Variants in MGAT4A observed in about 807,000 individuals in gnomAD.
MGAT4A encodes the protein N-acetylglucosaminyltransferase IVa.
Under a neutral mutation model 74.1 loss-of-function variants are expected in MGAT4A, and 33 were observed. The observed-to-expected ratio is 0.45, with a 90% confidence interval of 0.34 to 0.60. MGAT4A has a LOEUF of 0.60. Among genes scored for constraint, MGAT4A ranks in the 20% least tolerant of loss-of-function variants. MGAT4A has a pLI of 0.02. For missense variants in MGAT4A, 479 were observed against 628.3 expected (o/e 0.76, Z 2.54); for synonymous variants, 198 against 210.4 (o/e 0.94, Z 0.51).
At chr2:98,653,410 T>A (rs1310931275) in intron 8 of MGAT4A, among the ~76,000 whole-genome samples, 1 of 143,218 alleles carries the variant, frequency 7.0e-6, no homozygotes. Context: ...TTTGAAAAGA[T>A]CAATAAAATT....
In MGAT4A at chr2:98,727,979, GCTGCTACA is replaced by G. The variant is rs556130825; in HGVS notation, c.-235-1420_-235-1413del. On this transcript the variant is annotated intron_variant, in intron 1 of 15. Coordinates refer to ENST00000393487, the MANE Select transcript of MGAT4A (RefSeq NM_012214.3). ...TTTGTCTCCAAAGTCCAAGCTCTTA[GCTGCTACA>G]CTTTCCCTCTCAAATGAGGCCTCCT... Among the ~76,000 whole-genome samples the G allele has an allele frequency of 3.9e-4, 60 of 152,266 alleles. No homozygotes were observed. In the East Asian group the frequency reaches 9.6e-3, roughly 24 times the overall value.
intron 2 of MGAT4A, among the ~76,000 whole-genome samples, chr2:98,719,543 A>C (rs184795521): frequency 9.7e-4 from 148 of 152,358 alleles, no homozygotes; most frequent in Non-Finnish European, 1.6e-3. Context: ...ATGTGCAAAG[A>C]AACAGAAAAA....
rs143793553 is a variant in MGAT4A, at chr2:98,649,208, T to C, written c.775-3666A>G. ...CATAGCAAGGTACCTATCAACAGTATGTTAAGTGACAGCAAAAAAGGTTAT... is the reference window on the plus strand; with the variant it reads ...CATAGCAAGGTACCTATCAACAGTACGTTAAGTGACAGCAAAAAAGGTTAT... On this transcript the variant is annotated intron_variant, in intron 8 of 15. Transcript: ENST00000393487. Among the ~76,000 whole-genome samples the C allele has an allele frequency of 2.1e-3, 317 of 152,192 alleles. 1 individual carries two copies. The highest frequency in any genetic ancestry group is 7.3e-3 in the African/African-American group (301 of 41,468).
At position 98,678,484 on chromosome 2, in the gene MGAT4A, C is replaced by G. The variant is rs1702011614; in HGVS notation, c.95-13G>C. On this transcript the variant is annotated splice_polypyrimidine_tract_variant and intron_variant, in intron 2 of 15. Transcript: ENST00000393487. ...GCAATCAGTTTTTCTAGAAGCAAAACCAAAACAGTTATAGTATATGTCTTA... is the reference window on the plus strand; with the variant it reads ...GCAATCAGTTTTTCTAGAAGCAAAAGCAAAACAGTTATAGTATATGTCTTA... The G allele has an allele frequency of 1.3e-6, 2 of 1,548,772 alleles. No individual in the cohort carries two copies. The highest frequency in any genetic ancestry group is 2.3e-5 in the East Asian group (1 of 43,908).
intron 5 of MGAT4A, among the ~76,000 whole-genome samples, chr2:98,660,026 T>G (rs930023329): frequency 6.6e-6 from 1 of 152,200 alleles, no homozygotes; most frequent in South Asian, 2.1e-4. Context: ...TTATAAAAAG[T>G]TTTTATAACA....
In MGAT4A at chr2:98,623,751, T is replaced by C. The variant is rs535762001; in HGVS notation, c.*1815A>G. 3.5e-5 allele frequency: 34 copies of C among 985,478 alleles called. No homozygotes were observed. The African/African-American group carries it at 5.1e-4, about 15-fold the overall frequency. The allele number at this position is 985,478 out of a possible 1,614,324, so 61.0% of individuals were successfully genotyped here. A position where few individuals can be genotyped will look rare whatever the true frequency, so the allele number is the denominator to read the frequency against. ...GATGGAAATAATTGTACTGTATCAG[T>C]GTTTCCAAACGTTTGCACTTTGTAA... On this transcript the variant is annotated 3_prime_UTR_variant, in exon 16 of 16. Transcript: ENST00000393487.
chr2:98,715,698 C>T (rs1702582531), intron 2 of MGAT4A, among the ~76,000 whole-genome samples: 1 of 152,054 alleles, frequency 6.6e-6, no homozygotes, highest in South Asian at 2.1e-4. Context: ...GGGTATAATA[C>T]CTGGGTGATG....
Position 98,639,944 on chromosome 2 carries a change from C to A in MGAT4A, c.1186G>T (p.Val396Leu). ...TGGTAGACCTTCAAGGAAGTAGATACCTCCGCAGGTGGGTTTACATGGATT... is the reference window on the plus strand; with the variant it reads ...TGGTAGACCTTCAAGGAAGTAGATAACTCCGCAGGTGGGTTTACATGGATT... ...LKIHVNPPAE[V>L]STSLKVYQGH... Residue 396 changes from valine to leucine, a missense_variant, in exon 12 of 16, where the codon GTA becomes TTA. Around this residue, in one of 3 missense-constraint regions of MGAT4A, gnomAD observed 236 missense variants for 308.2 expected, o/e 0.77. Coordinates refer to ENST00000393487, the MANE Select transcript of MGAT4A (RefSeq NM_012214.3). 2 of 1,614,090 alleles carry A rather than the reference C, an allele frequency of 1.2e-6. No individual in the cohort carries two copies. Among genetic ancestry groups the A allele is most frequent in the Non-Finnish European group, 1.7e-6 (2 of 1,179,984 alleles).
rs554315514 is a variant in MGAT4A at position 98,699,505 on chromosome 2, CT to C, written c.95-21035del. On this transcript the variant is annotated intron_variant, in intron 2 of 15. Transcript: ENST00000393487. Reference sequence around the variant, plus strand: ...TGCACAGCAGGAATCATATTTTAGTCTTTTTTTTTTCCCCCTAAATGCCATT... The same window carrying C: ...TGCACAGCAGGAATCATATTTTAGTCTTTTTTTTTCCCCCTAAATGCCATT... Among the ~76,000 whole-genome samples, 607 of 149,752 alleles carry C rather than the reference CT, an allele frequency of 4.1e-3. 4 individuals carry two copies. Among genetic ancestry groups the C allele is most frequent in the African/African-American group, 0.012 (475 of 40,928 alleles).
chr2:98,687,814 G>A (rs1462222848), intron 2 of MGAT4A, among the ~76,000 whole-genome samples: 2 of 152,108 alleles, frequency 1.3e-5, no homozygotes, highest in Admixed American at 6.5e-5. Context: ...TTCCAACACC[G>A]GCTAGTGCTT....
intron 2 of MGAT4A, among the ~76,000 whole-genome samples, chr2:98,716,876 T>G (rs1479037333): frequency 6.6e-6 from 1 of 152,186 alleles, no homozygotes; most frequent in Non-Finnish European, 1.5e-5. Context: ...AAATAGTTGT[T>G]ATACTGTGTT....
intron 2 of MGAT4A, among the ~76,000 whole-genome samples, chr2:98,719,184 A>AAGG (rs1702632000): frequency 1.3e-5 from 2 of 152,202 alleles, no homozygotes; most frequent in African/African-American, 4.8e-5. Flanking sequence ...TCAGAAAAAT[A>AAGG]TCGGACACTG....
intron 5 of MGAT4A, among the ~76,000 whole-genome samples, chr2:98,660,304 T>C (rs937151891): frequency 6.9e-5 from 7 of 101,960 alleles, no homozygotes; most frequent in Admixed American, 5.8e-4. Context: ...TTACCCAAAG[T>C]GATCTACAGA....
chr2:98,635,408 T>C (rs982868146), intron 13 of MGAT4A, 120 bp from the exon 14 acceptor site: 12 of 659,420 alleles, frequency 1.8e-5, no homozygotes, highest in Non-Finnish European at 2.7e-5. Context: ...AAAAGAGAAA[T>C]ATCATCTCAG....
intron 14 of MGAT4A, among the ~76,000 whole-genome samples, chr2:98,627,955 C>T (rs1480307236): frequency 1.3e-5 from 2 of 152,142 alleles, no homozygotes; most frequent in East Asian, 3.9e-4. Flanking sequence ...CTGCAAAGTA[C>T]CTGGCTGATG....
At position 98,656,353 on chromosome 2, in the gene MGAT4A, T is replaced by C. The variant is rs751328688; in HGVS notation, c.697A>G (p.Arg233Gly). Residue 233 changes from arginine to glycine, a missense_variant and splice_region_variant, in exon 7 of 16, where the codon AGA becomes GGA. Physicochemically the swap from Arg to Gly is moderately radical, Grantham distance 125. This residue lies in a region of MGAT4A where 38 missense variants were observed against 87.4 expected (regional missense o/e 0.43). Coordinates refer to ENST00000393487, the MANE Select transcript of MGAT4A (RefSeq NM_012214.3). ...GGATTTTAAACGGCACATGCTCACC[T>C]TACTCTTTCTTTGGAGTCTCCAAAT... ...ETFGDSKERV[R>G]WRTKQNLDYC... 7 of 1,570,880 alleles carry C rather than the reference T, an allele frequency of 4.5e-6. No individual in the cohort carries two copies. Among genetic ancestry groups the C allele is most frequent in the Admixed American group, 1.7e-5 (1 of 59,210 alleles).
chr2:98,687,441 C>A (rs1268291268), intron 2 of MGAT4A, among the ~76,000 whole-genome samples: 1 of 151,770 alleles, frequency 6.6e-6, no homozygotes, highest in African/African-American at 2.4e-5. Flanking sequence ...CAAGCGTGTC[C>A]TCTTACTGCA....
chr2:98,730,318 C>T (rs983035092), intron 1 of MGAT4A: 1 of 152,304 alleles, frequency 6.6e-6, no homozygotes, highest in African/African-American at 2.4e-5. Flanking sequence ...GAAAAGCTCG[C>T]CTCCGAGATG....
chr2:98,623,995 G>A lies in MGAT4A; in HGVS notation c.*1571C>T. On this transcript the variant is annotated 3_prime_UTR_variant, in exon 16 of 16. Coordinates refer to ENST00000393487, the MANE Select transcript of MGAT4A (RefSeq NM_012214.3). The stretch of plus-strand genomic sequence containing the variant: ...CCAGTGTGTCCAAGCAGACTGGCTG[G>A]GAACTGATGTTGATACTTCATCTTT... 1.0e-6 allele frequency: 1 copy of A among 985,456 alleles called. No individual in the cohort carries two copies. The highest frequency in any genetic ancestry group is 1.2e-6 in the Non-Finnish European group (1 of 830,004). The allele number at this position is 985,456 out of a possible 1,614,324, so 61.0% of individuals were successfully genotyped here.
Sources: gnomAD v4.1 joint callset for allele counts (sites outside exome capture counted in the v4.1 genomes callset) on GRCh38, gnomAD v4.1.1 for gene constraint, gnomAD v4.1.1 regional missense constraint, MANE v1.5 for transcripts, NCBI Gene and HGNC (gene_info 2026-07-23, HGNC 2026-07-21) for gene names.